FAF1: variants seen among roughly 807,000 people sequenced by gnomAD.
FAF1 encodes FAS-associated factor 1.
Under a neutral mutation model 92.5 loss-of-function variants are expected in FAF1, and 25 were observed. The observed-to-expected ratio is 0.27, with a 90% confidence interval of 0.20 to 0.38. The LOEUF is 0.38. Among genes scored for constraint, FAF1 ranks in the 10% least tolerant of loss-of-function variants. The pLI is 1.00. For synonymous variants in FAF1, 234 were observed against 273.2 expected, an observed-to-expected ratio of 0.86 and a Z score of 1.42; for missense variants, 636 against 793.3, an observed-to-expected ratio of 0.80 and a Z score of 2.38.
intron 8 of FAF1, among the ~76,000 whole-genome samples, chr1:50,646,322 ACTTGCTG>A: frequency 6.6e-6 from 1 of 152,242 alleles, no homozygotes; most frequent in South Asian, 2.1e-4. Flanking sequence ...CTGTTATTCT[ACTTGCTG>A]CTATAAAATG....
intron 2 of FAF1, among the ~76,000 whole-genome samples, chr1:50,826,077 A>C (rs775869159): frequency 1.3e-5 from 2 of 152,234 alleles, no homozygotes; most frequent in Non-Finnish European, 2.9e-5. Context: ...GACTTCAAGA[A>C]ATGATCTAAG....
intron 15 of FAF1, among the ~76,000 whole-genome samples, chr1:50,527,211 C>T (rs11205728): frequency 0.21 from 31,187 of 151,960 alleles, 3,945 homozygotes; most frequent in African/African-American, 0.36. Flanking sequence ...GTACCTCATG[C>T]GGCTTTGATT....
chr1:50,509,027 T>A (rs1176951272), intron 15 of FAF1, among the ~76,000 whole-genome samples: 2 of 152,214 alleles, frequency 1.3e-5, no homozygotes, highest in Non-Finnish European at 2.9e-5. Flanking sequence ...TTAAAATGGC[T>A]AATTTTCTGT....
At chr1:50,460,505 T>C (rs1487650322) in intron 18 of FAF1, among the ~76,000 whole-genome samples, 1 of 152,198 alleles carries the variant, frequency 6.6e-6, no homozygotes, top group East Asian at 1.9e-4. Context: ...GCACGAGTTT[T>C]AGGACTATTA....
At chr1:50,746,385 C>A (rs902271001) in intron 4 of FAF1, among the ~76,000 whole-genome samples, 1 of 141,140 alleles carries the variant, frequency 7.1e-6, no homozygotes, top group Admixed American at 7.4e-5. Flanking sequence ...CTCACCACAA[C>A]CTCTGCCTCC....
intron 15 of FAF1, among the ~76,000 whole-genome samples, chr1:50,523,248 G>A (rs934355385): frequency 5.9e-5 from 9 of 152,086 alleles, no homozygotes; most frequent in Non-Finnish European, 1.3e-4. Flanking sequence ...ACCTATTTGA[G>A]TCCCTGTTTT....
At chr1:50,885,115 G>A (rs957123960) in intron 1 of FAF1, among the ~76,000 whole-genome samples, 12 of 152,134 alleles carry the variant, frequency 7.9e-5, no homozygotes, top group East Asian at 7.7e-4. Context: ...CAGACATAAC[G>A]TGTCGTTTTT....
chr1:50,677,882 CA>C (rs775445299), intron 7 of FAF1, among the ~76,000 whole-genome samples: 224 of 73,218 alleles, frequency 3.1e-3, no homozygotes, highest in Non-Finnish European at 4.8e-3. Context: ...GCAACAAGAA[CA>C]AAACTCTGCC....
At chr1:50,884,360 AG>A (rs1644639307) in intron 1 of FAF1, among the ~76,000 whole-genome samples, 1 of 151,104 alleles carries the variant, frequency 6.6e-6, no homozygotes, top group Non-Finnish European at 1.5e-5. Flanking sequence ...CTAAAAAAAA[AG>A]AAAAAAAAAA....
At chr1:50,916,854 T>G (rs1324367730) in intron 1 of FAF1, among the ~76,000 whole-genome samples, 1 of 152,220 alleles carries the variant, frequency 6.6e-6, no homozygotes, top group East Asian at 1.9e-4. Context: ...ATTCATGGAT[T>G]AGAAGCAAAA....
At chr1:50,581,951 T>G (rs1651005267) in intron 12 of FAF1, among the ~76,000 whole-genome samples, 1 of 152,064 alleles carries the variant, frequency 6.6e-6, no homozygotes, top group Non-Finnish European at 1.5e-5. Flanking sequence ...AGAATCTTCT[T>G]GCTCAAAACT....
chr1:50,946,843 T>C (rs1246467548), intron 1 of FAF1, among the ~76,000 whole-genome samples: 1 of 152,192 alleles, frequency 6.6e-6, no homozygotes, highest in Non-Finnish European at 1.5e-5. Flanking sequence ...ACTCACAGCC[T>C]AAAGAACCCA....
rs527401506 is a variant in FAF1 at position 50,669,981 on chromosome 1, C to T, written c.658-14453G>A. 7.1e-3 allele frequency among the ~76,000 whole-genome samples: 1,078 copies of T among 152,012 alleles called. 8 individuals carry two copies. Among genetic ancestry groups the T allele is most frequent in the Non-Finnish European group, 0.012 (810 of 67,968 alleles). On this transcript the variant is annotated intron_variant, in intron 7 of 18. Coordinates refer to ENST00000396153, the MANE Select transcript of FAF1 (RefSeq NM_007051.3). ...TAATAAAAATACAAAATAAGCCAGG[C>T]GTGGTGGCGCATGCCTGTAATCCCA... is the stretch of plus-strand genomic sequence containing the variant.
chr1:50,572,399 A>G (rs1650487334), intron 12 of FAF1, among the ~76,000 whole-genome samples: 1 of 152,228 alleles, frequency 6.6e-6, no homozygotes, highest in African/African-American at 2.4e-5. Context: ...ATCATCTAAT[A>G]AACAGTCCAT....
intron 1 of FAF1, among the ~76,000 whole-genome samples, chr1:50,861,952 A>G (rs1644436623): frequency 6.6e-6 from 1 of 151,930 alleles, no homozygotes; most frequent in African/African-American, 2.4e-5. Flanking sequence ...CTACAAGGAG[A>G]TAAATGTCAT....
At chr1:50,897,146 T>C (rs778958739) in intron 1 of FAF1, among the ~76,000 whole-genome samples, 1 of 152,152 alleles carries the variant, frequency 6.6e-6, no homozygotes, top group Non-Finnish European at 1.5e-5. Context: ...AAAAGTCTAA[T>C]GAAATAAATT....
Position 50,738,891 on chromosome 1 carries a change from G to A in FAF1, c.523C>T (p.Pro175Ser). 6.2e-7 allele frequency: 1 copy of A among 1,608,216 alleles called. No individual in the cohort carries two copies. The highest frequency in any genetic ancestry group is 1.7e-5 in the Admixed American group (1 of 59,544). ...NSLYVLTPDL[P>S]PPSSSSHAGA... ...GCATGACTAGATGATGAAGGTGGTGGCAAATCTGGTGTAAGGACATAAAGA... is the reference window on the plus strand; with the variant it reads ...GCATGACTAGATGATGAAGGTGGTGACAAATCTGGTGTAAGGACATAAAGA... Residue 175 changes from proline (P) to serine (S), a missense_variant, in exon 6 of 19, where the codon CCA (proline) becomes TCA (serine). Pro to Ser is a moderately conservative substitution (Grantham distance 74). Coordinates refer to ENST00000396153, the MANE Select transcript of FAF1 (RefSeq NM_007051.3).
At chr1:50,528,546 T>A (rs1362072747) in intron 15 of FAF1, among the ~76,000 whole-genome samples, 2 of 152,196 alleles carry the variant, frequency 1.3e-5, no homozygotes, top group Non-Finnish European at 2.9e-5. Context: ...CAAATTTTCT[T>A]TTATGGAAAC....
intron 2 of FAF1, among the ~76,000 whole-genome samples, chr1:50,826,820 C>G (rs1166317117): frequency 6.6e-6 from 1 of 152,154 alleles, no homozygotes; most frequent in Non-Finnish European, 1.5e-5. Context: ...AGTCTTATAT[C>G]TACTAAAGAT....
Sources: gnomAD v4.1 joint callset for allele counts (sites outside exome capture counted in the v4.1 genomes callset) on GRCh38, gnomAD v4.1.1 for gene constraint, MANE v1.5 for transcripts, NCBI Gene and HGNC (gene_info 2026-07-23, HGNC 2026-07-21) for gene names.